The following BCHE variants were observed in gnomAD, a reference collection of about 807,000 sequenced individuals.
The protein encoded by BCHE is butyrylcholinesterase.
BCHE carries 48 observed loss-of-function variants against 51.3 expected under a neutral mutation model. The ratio of observed to expected loss-of-function variants is 0.94; its 90% CI spans 0.74 to 1.19. The LOEUF is 1.19. Ranked by LOEUF, BCHE falls within the 50% of genes most tolerant of loss-of-function variation. BCHE has a pLI of 0.00. For synonymous variants in BCHE, 251 were observed against 238.0 expected (o/e 1.05, Z -0.50); for missense variants, 847 against 708.2 (o/e 1.20, Z -2.23).
intron 2 of BCHE, among the ~76,000 whole-genome samples, chr3:165,806,640 A>T (rs1412924589): frequency 6.6e-6 from 1 of 152,194 alleles, no homozygotes; most frequent in African/African-American, 2.4e-5. Flanking sequence ...AAAATATCAG[A>T]TATTTTATGA....
At chr3:165,804,225 T>A (rs183307043) in intron 2 of BCHE, among the ~76,000 whole-genome samples, 1 of 152,034 alleles carries the variant, frequency 6.6e-6, no homozygotes, top group Non-Finnish European at 1.5e-5. Context: ...AATGAGATAA[T>A]TGGGATAGTG....
Position 165,786,253 on chromosome 3 carries a change from G to T in BCHE, c.1576C>A (p.Gln526Lys). ...TSWPVFKSTE[Q>K]KYLTLNTEST... ...TCTGTATTCAAGGTTAGATATTTTT[G>T]TTCAGTGCTTTTGAAGACAGGCCAG... is the stretch of plus-strand genomic sequence containing the variant. Residue 526 changes from glutamine (Q) to lysine (K), a missense_variant, in exon 3 of 4, where the codon CAA becomes AAA. Coordinates refer to ENST00000264381, the MANE Select transcript of BCHE (RefSeq NM_000055.4). 6.2e-7 allele frequency: 1 copy of T among 1,612,038 alleles called. No individual in the cohort carries two copies. Among genetic ancestry groups the T allele is most frequent in the African/African-American group, 1.3e-5 (1 of 74,970 alleles).
In BCHE at chr3:165,777,595, G is replaced by A. The variant is rs140560154; in HGVS notation, c.1685-4089C>T. ...GATATTAAAAACAAGTTTCTCCAAA[G>A]CAAATCTCTGTGTGCAGGGGCAAAG... On this transcript the variant is annotated intron_variant, in intron 3 of 3. Transcript: ENST00000264381. The A allele has an allele frequency of 4.3e-3, 1,016 of 238,644 alleles. 6 individuals are homozygous for A. Among genetic ancestry groups the A allele is most frequent in the African/African-American group, 0.02 (895 of 43,710 alleles). The allele number at this position is 238,644 out of a possible 1,614,324, so 14.8% of individuals were successfully genotyped here.
intron 2 of BCHE, among the ~76,000 whole-genome samples, chr3:165,806,652 C>G (rs572237380): frequency 3.9e-5 from 6 of 152,108 alleles, no homozygotes; most frequent in Admixed American, 1.3e-4. Context: ...ATTTTATGAT[C>G]ATCATTTACA....
intron 2 of BCHE, among the ~76,000 whole-genome samples, chr3:165,817,917 C>G (rs1464399695): frequency 6.6e-6 from 1 of 152,004 alleles, no homozygotes; most frequent in African/African-American, 2.4e-5. Flanking sequence ...AAAGGCCTTA[C>G]AATCTAAAGA....
intron 2 of BCHE, among the ~76,000 whole-genome samples, chr3:165,813,405 T>A (rs1714184246): frequency 6.6e-6 from 1 of 151,728 alleles, no homozygotes; most frequent in South Asian, 2.1e-4. Context: ...CATCATCTTA[T>A]TCTTTTCCAT....
intron 2 of BCHE, among the ~76,000 whole-genome samples, chr3:165,825,626 T>C (rs1378865601): frequency 6.6e-6 from 1 of 152,072 alleles, no homozygotes; most frequent in African/African-American, 2.4e-5. Context: ...CATGTATACA[T>C]GTGCCGTGTT....
intron 2 of BCHE, among the ~76,000 whole-genome samples, chr3:165,789,200 A>G (rs1713076630): frequency 6.6e-6 from 1 of 152,086 alleles, no homozygotes. Flanking sequence ...TTCTTTTTCT[A>G]CTTTGTGGTA....
Position 165,829,950 on chromosome 3 carries a change from C to A in BCHE, c.1084G>T (p.Ala362Ser). The A allele has an allele frequency of 6.2e-7, 1 of 1,613,668 alleles. No homozygotes were observed. The highest frequency in any genetic ancestry group is 8.5e-7 in the Non-Finnish European group (1 of 1,179,866). The change falls in exon 2 of 4, where the codon GCT (alanine) becomes TCT (serine). Residue 362 changes from alanine (A) to serine (S), a missense_variant. By Grantham distance (99) the Ala-to-Ser change is moderately conservative. Transcript: ENST00000264381. ...DEGTAFLVYG[A>S]PGFSKDNNSI... is the part of the protein sequence containing the mutation. ...TTGTTATCTTTGCTGAAGCCAGGAG[C>A]ACCATAGACTAAAAAAGCTGTCCCT...
At chr3:165,790,236 C>A (rs2108205558) in intron 2 of BCHE, among the ~76,000 whole-genome samples, 1 of 152,184 alleles carries the variant, frequency 6.6e-6, no homozygotes, top group South Asian at 2.1e-4. Context: ...ACCATGCGAA[C>A]AATGATTCAA....
intron 2 of BCHE, among the ~76,000 whole-genome samples, chr3:165,819,360 G>A (rs1714430500): frequency 1.3e-5 from 2 of 151,920 alleles, no homozygotes; most frequent in Admixed American, 6.6e-5. Flanking sequence ...TTACAGGCAT[G>A]AGCCACCATG....
Position 165,829,788 on chromosome 3 carries a change from C to T in BCHE, c.1246G>A (p.Ala416Thr), listed in dbSNP as rs753746052. The change falls in exon 2 of 4, where the codon GCC (alanine) becomes ACC (threonine). Residue 416 changes from alanine to threonine, a missense_variant. Transcript: ENST00000264381. ...DDQRPENYRE[A>T]LGDVVGDYNF... ...TAATCCCCAACAACATCACCCAAGG[C>T]CTCACGGTAGTTTTCAGGTCTCTGA... 14 of 1,613,898 alleles carry T rather than the reference C, an allele frequency of 8.7e-6. No individual in the cohort carries two copies. The highest frequency in any genetic ancestry group is 1.2e-5 in the Non-Finnish European group (14 of 1,179,904).
At position 165,807,552 on chromosome 3, in the gene BCHE, A is replaced by ATT. The variant is rs1426261614; in HGVS notation, c.1518-21243_1518-21242dup. 4.2e-4 allele frequency among the ~76,000 whole-genome samples: 58 copies of ATT among 138,528 alleles called. 1 individual carries two copies. Among genetic ancestry groups the ATT allele is most frequent in the African/African-American group, 4.9e-4 (17 of 34,538 alleles). The allele number at this position is 138,528 out of a possible 152,430, so 90.9% of individuals were successfully genotyped here. A position where few individuals can be genotyped will look rare whatever the true frequency, so the allele number is the denominator to read the frequency against. On this transcript the variant is annotated intron_variant, in intron 2 of 3. Coordinates refer to ENST00000264381, the MANE Select transcript of BCHE (RefSeq NM_000055.4). ...TTTATTTATTTATTTATTTATTTTT[A>ATT]TTTATTTATTTATTTTTCAGACAGA...
intron 3 of BCHE, among the ~76,000 whole-genome samples, chr3:165,780,511 T>C (rs1425870562): frequency 2.0e-5 from 3 of 152,160 alleles, no homozygotes; most frequent in Admixed American, 6.5e-5. Flanking sequence ...AATCTATCCA[T>C]CTGACAAAGT....
At chr3:165,790,987 G>A (rs1043873657) in intron 2 of BCHE, among the ~76,000 whole-genome samples, 1 of 151,948 alleles carries the variant, frequency 6.6e-6, no homozygotes, top group Non-Finnish European at 1.5e-5. Context: ...GGAAGAATTG[G>A]AGGGTTTGCA....
chr3:165,821,720 T>C (rs1446805188), intron 2 of BCHE, among the ~76,000 whole-genome samples: 1 of 151,916 alleles, frequency 6.6e-6, no homozygotes, highest in Non-Finnish European at 1.5e-5. Flanking sequence ...TAGGAATCTG[T>C]CAAATCTGCA....
At chr3:165,789,401 A>C (rs1294115781) in intron 2 of BCHE, among the ~76,000 whole-genome samples, 2 of 152,246 alleles carry the variant, frequency 1.3e-5, no homozygotes, top group East Asian at 3.9e-4. Flanking sequence ...GAACAGATTA[A>C]AGAAAAAGAC....
chr3:165,788,153 C>T (rs1273216062), intron 2 of BCHE, among the ~76,000 whole-genome samples: 1 of 151,788 alleles, frequency 6.6e-6, no homozygotes, highest in Non-Finnish European at 1.5e-5. Flanking sequence ...GCCAAAGTCT[C>T]TAAGTCCAGT....
chr3:165,774,411 G>A (rs1010400886), intron 3 of BCHE, among the ~76,000 whole-genome samples: 28 of 151,882 alleles, frequency 1.8e-4, no homozygotes, highest in South Asian at 6.2e-4. Context: ...TTGGCTCACC[G>A]CAACCTCTGC....
Sources: allele counts gnomAD v4.1 joint callset (sites outside exome capture counted in the v4.1 genomes callset), GRCh38; gene constraint gnomAD v4.1.1; transcripts MANE v1.5; gene names NCBI Gene and HGNC (gene_info 2026-07-23, HGNC 2026-07-21).